Variants in TBC1D22A observed in about 807,000 individuals in gnomAD.
TBC1D22A encodes TBC1 domain family member 22A.
TBC1D22A carries 38 observed loss-of-function variants against 60.2 expected under a neutral mutation model. The observed-to-expected ratio is 0.63, with a 90% CI of 0.49 to 0.83. TBC1D22A has a LOEUF of 0.83. TBC1D22A is among the 40% of genes least tolerant of loss of function. TBC1D22A has a pLI of 0.00. For synonymous variants in TBC1D22A, 302 were observed against 281.7 expected, an observed-to-expected ratio of 1.07 and a Z score of -0.72; for missense variants, 628 against 701.0, an observed-to-expected ratio of 0.90 and a Z score of 1.18.
intron 10 of TBC1D22A, among the ~76,000 whole-genome samples, chr22:47,001,451 G>GAA (rs60259224): frequency 1.7e-4 from 18 of 105,002 alleles, no homozygotes; most frequent in Middle Eastern, 6.1e-3. Context: ...TCTCAAAAAA[G>GAA]AAAAAAAAAA....
chr22:46,892,040 A>G (rs2068434110), intron 6 of TBC1D22A, among the ~76,000 whole-genome samples: 1 of 152,244 alleles, frequency 6.6e-6, no homozygotes, highest in East Asian at 1.9e-4. Flanking sequence ...GATTCACAGT[A>G]CATCCAGAAT....
intron 12 of TBC1D22A, among the ~76,000 whole-genome samples, chr22:47,157,997 C>G (rs1036196395): frequency 9.9e-5 from 15 of 152,222 alleles, no homozygotes; most frequent in Non-Finnish European, 2.1e-4. Flanking sequence ...TGCTGCCCGT[C>G]ACCCTCCAGC....
At chr22:46,889,036 T>C (rs2068261871) in intron 5 of TBC1D22A, among the ~76,000 whole-genome samples, 1 of 152,188 alleles carries the variant, frequency 6.6e-6, no homozygotes, top group South Asian at 2.1e-4. Context: ...ACAGGAACAC[T>C]AATTATAAAA....
chr22:47,026,812 A>T (rs1485364241), intron 10 of TBC1D22A, among the ~76,000 whole-genome samples: 1 of 152,246 alleles, frequency 6.6e-6, no homozygotes, highest in African/African-American at 2.4e-5. Flanking sequence ...GTCAGCTCTC[A>T]CCAAACTGAT....
chr22:46,874,880 A>T (rs1330065941), intron 4 of TBC1D22A, among the ~76,000 whole-genome samples: 1 of 152,082 alleles, frequency 6.6e-6, no homozygotes, highest in African/African-American at 2.4e-5. Flanking sequence ...GGCCTTTTGA[A>T]AAGTGTCTGT....
At chr22:46,932,697 T>C (rs2071419305) in intron 8 of TBC1D22A, among the ~76,000 whole-genome samples, 1 of 148,868 alleles carries the variant, frequency 6.7e-6, no homozygotes, top group African/African-American at 2.5e-5. Context: ...TAGGGTTTAG[T>C]GCAGTGTGCG....
At chr22:46,936,718 C>A (rs961463297) in intron 8 of TBC1D22A, among the ~76,000 whole-genome samples, 2 of 152,260 alleles carry the variant, frequency 1.3e-5, no homozygotes, top group African/African-American at 4.8e-5. Flanking sequence ...TCTGCGAGGA[C>A]ACACAGCCCA....
chr22:46,832,959 C>G (rs1301456330), intron 4 of TBC1D22A, among the ~76,000 whole-genome samples: 1 of 152,142 alleles, frequency 6.6e-6, no homozygotes, highest in Non-Finnish European at 1.5e-5. Flanking sequence ...ATGGGGATTC[C>G]TCTTGGAGAC....
intron 1 of TBC1D22A, among the ~76,000 whole-genome samples, chr22:46,779,335 T>C (rs536839012): frequency 4.3e-4 from 66 of 152,192 alleles, no homozygotes; most frequent in Admixed American, 2.0e-3. Flanking sequence ...TTGACTAAAA[T>C]GTCGTTATGT....
At position 46,974,923 on chromosome 22, in the gene TBC1D22A, C is replaced by T. The variant is rs116395478; in HGVS notation, c.1125+524C>T. 2.7e-3 allele frequency among the ~76,000 whole-genome samples: 406 copies of T among 152,300 alleles called. 1 individual carries two copies. The highest frequency in any genetic ancestry group is 9.6e-3 in the African/African-American group (398 of 41,566). ...CCCCTGCACCACAGTGGGGACCCTG[C>T]GGGTCTCTGCATCAGCTAGGGTTAG... On this transcript the variant is annotated intron_variant, in intron 9 of 12. Coordinates refer to ENST00000337137, the MANE Select transcript of TBC1D22A (RefSeq NM_014346.5).
intron 12 of TBC1D22A, among the ~76,000 whole-genome samples, chr22:47,145,572 C>T (rs1262798882): frequency 1.3e-5 from 2 of 152,150 alleles, no homozygotes; most frequent in Non-Finnish European, 2.9e-5. Context: ...TCAAATAATA[C>T]GCAGCCAGAA....
intron 4 of TBC1D22A, among the ~76,000 whole-genome samples, chr22:46,843,762 G>A (rs548062785): frequency 1.6e-3 from 243 of 152,134 alleles, no homozygotes; most frequent in African/African-American, 5.5e-3. Flanking sequence ...AGTTCCCTGG[G>A]GTGAAGGAGG....
At chr22:47,026,426 A>G (rs2062260412) in intron 10 of TBC1D22A, among the ~76,000 whole-genome samples, 1 of 152,196 alleles carries the variant, frequency 6.6e-6, no homozygotes, top group African/African-American at 2.4e-5. Flanking sequence ...ACATACATAG[A>G]AATGTAAGTG....
At chr22:46,969,149 C>G (rs1383613065) in intron 8 of TBC1D22A, among the ~76,000 whole-genome samples, 1 of 152,156 alleles carries the variant, frequency 6.6e-6, no homozygotes, top group African/African-American at 2.4e-5. Flanking sequence ...ATCTTCTGCT[C>G]TAGGGGTATT....
At chr22:46,924,287 C>T (rs1379314480) in intron 8 of TBC1D22A, among the ~76,000 whole-genome samples, 1 of 152,004 alleles carries the variant, frequency 6.6e-6, no homozygotes, top group Non-Finnish European at 1.5e-5. Context: ...GTGCTGCAGG[C>T]GAGCAATAGG....
At chr22:47,032,505 C>T (rs867070726) in intron 10 of TBC1D22A, among the ~76,000 whole-genome samples, 6 of 131,126 alleles carry the variant, frequency 4.6e-5, no homozygotes, top group Non-Finnish European at 8.1e-5. Flanking sequence ...AGGGAGTGGC[C>T]GCGAACACAC....
At chr22:47,023,571 T>C (rs1358024417) in intron 10 of TBC1D22A, among the ~76,000 whole-genome samples, 1 of 152,056 alleles carries the variant, frequency 6.6e-6, no homozygotes, top group South Asian at 2.1e-4. Flanking sequence ...CCAAAACTAC[T>C]AATATAAAGA....
chr22:47,000,743 C>T (rs987445259), intron 10 of TBC1D22A, among the ~76,000 whole-genome samples: 1 of 151,278 alleles, frequency 6.6e-6, no homozygotes, highest in Admixed American at 6.6e-5. Flanking sequence ...GAGGAACGTG[C>T]GTTTTCAGTC....
intron 1 of TBC1D22A, 134 bp downstream of exon 1, chr22:46,762,982 T>A (rs1250660565): frequency 2.6e-6 from 2 of 769,140 alleles, no homozygotes; most frequent in African/African-American, 3.8e-5. Context: ...CTGGATGGTG[T>A]GACGGGCGTT....
Sources: gnomAD v4.1 joint callset for allele counts (sites outside exome capture counted in the v4.1 genomes callset) on GRCh38, gnomAD v4.1.1 for gene constraint, MANE v1.5 for transcripts, NCBI Gene and HGNC (gene_info 2026-07-23, HGNC 2026-07-21) for gene names.